The following CMC1 variants were observed in gnomAD, a reference collection of about 807,000 sequenced individuals.
The protein encoded by CMC1 is C-X9-C motif containing 1, also known as COX assembly mitochondrial protein homolog.
Under a neutral mutation model 14.1 loss-of-function variants are expected in CMC1, and 14 were observed. That is an observed-to-expected ratio of 0.99 (90% confidence interval 0.66 to 1.55). CMC1 has a LOEUF of 1.55. Among genes scored for constraint, CMC1 ranks in the 40% most tolerant of loss-of-function variants. The pLI is 0.00. For missense variants in CMC1, 127 were observed against 123.8 expected, an observed-to-expected ratio of 1.03 and a Z score of -0.12; for synonymous variants, 50 against 38.4, an observed-to-expected ratio of 1.30 and a Z score of -1.12.
chr3:28,258,614 ATTTT>A (rs61323375), intron 1 of CMC1, among the ~76,000 whole-genome samples: 1 of 99,132 alleles, frequency 1.0e-5, no homozygotes, highest in Non-Finnish European at 2.0e-5. Context: ...GTATTTCTGG[ATTTT>A]TTTTTTTTTT....
chr3:28,319,300 A>G (rs760769052), intron 3 of CMC1: 9 of 588,032 alleles, frequency 1.5e-5, no homozygotes, highest in South Asian at 4.6e-5. Context: ...TCATTGCTCT[A>G]TTCTGTGACA....
At position 28,323,354 on chromosome 3, in the gene CMC1, ATT is replaced by A. The variant is rs71626514; in HGVS notation, c.*3741_*3742del. The A allele has an allele frequency of 1.4e-4, 19 of 132,828 alleles. No homozygotes were observed. The highest frequency in any genetic ancestry group is 2.0e-4 in the African/African-American group (7 of 35,598). The allele number at this position is 132,828 out of a possible 1,614,324, so 8.2% of individuals were successfully genotyped here. Reference sequence around the variant, plus strand: ...CACCCCAGAGTTTTTCAACTATTTCATTTTTTTTTTTTTTTTTCCCAATTAGG... The same window carrying A: ...CACCCCAGAGTTTTTCAACTATTTCATTTTTTTTTTTTTTTCCCAATTAGG... On this transcript the variant is annotated 3_prime_UTR_variant, in exon 4 of 4. Coordinates refer to ENST00000466830, the MANE Select transcript of CMC1 (RefSeq NM_182523.2).
chr3:28,257,423 A>G (rs969186084), intron 1 of CMC1, among the ~76,000 whole-genome samples: 18 of 152,204 alleles, frequency 1.2e-4, no homozygotes, highest in Admixed American at 9.8e-4. Context: ...AGTGGTATAC[A>G]AATAGTATCA....
intron 2 of CMC1, among the ~76,000 whole-genome samples, chr3:28,301,839 T>C (rs560843911): frequency 6.6e-6 from 1 of 152,222 alleles, no homozygotes; most frequent in South Asian, 2.1e-4. Context: ...TAGTGTATGA[T>C]GAAACGGCAG....
chr3:28,313,307 CTT>C (rs1427910088), intron 2 of CMC1, among the ~76,000 whole-genome samples: 20 of 152,206 alleles, frequency 1.3e-4, no homozygotes, highest in African/African-American at 4.3e-4. Flanking sequence ...CTTTGAATAA[CTT>C]TTAACAATCT....
chr3:28,312,525 A>C (rs1559446247), intron 2 of CMC1, among the ~76,000 whole-genome samples: 1 of 152,242 alleles, frequency 6.6e-6, no homozygotes, highest in Admixed American at 6.5e-5. Context: ...AGTTCAATGC[A>C]CAGTTGTCAT....
chr3:28,318,395 A>G (rs1171664820), intron 3 of CMC1: 2 of 151,706 alleles, frequency 1.3e-5, no homozygotes, highest in East Asian at 1.9e-4. Context: ...GTCTTCCCTG[A>G]TAATATTTTT....
At chr3:28,243,352 A>C (rs918719398) in intron 1 of CMC1, among the ~76,000 whole-genome samples, 1 of 152,208 alleles carries the variant, frequency 6.6e-6, no homozygotes. Flanking sequence ...CACCGCACCC[A>C]GCCTAATTAT....
intron 2 of CMC1, among the ~76,000 whole-genome samples, chr3:28,273,786 A>G (rs1300507996): frequency 1.3e-5 from 2 of 152,136 alleles, no homozygotes; most frequent in Admixed American, 6.5e-5. Flanking sequence ...GGGTCCTCCT[A>G]TATTAGGTGT....
At chr3:28,305,846 T>C (rs148195828) in intron 2 of CMC1, among the ~76,000 whole-genome samples, 1 of 147,742 alleles carries the variant, frequency 6.8e-6, no homozygotes, top group East Asian at 2.0e-4. Context: ...TTCAGCGATC[T>C]TGAGTTAATT....
intron 2 of CMC1, among the ~76,000 whole-genome samples, chr3:28,284,728 T>TTGTGTGTGTGTG (rs139621171): frequency 1.3e-5 from 2 of 150,708 alleles, no homozygotes; most frequent in African/African-American, 4.9e-5. Flanking sequence ...GTTGTTAGAT[T>TTGTGTGTGTGTG]TCTGTGTGTG....
intron 2 of CMC1, among the ~76,000 whole-genome samples, chr3:28,309,509 T>C (rs1236372587): frequency 1.3e-5 from 2 of 152,104 alleles, no homozygotes; most frequent in African/African-American, 4.8e-5. Flanking sequence ...ATAACTATAT[T>C]CCAAGTCCTG....
chr3:28,242,643 C>A (rs1374530400), intron 1 of CMC1, among the ~76,000 whole-genome samples: 3 of 152,158 alleles, frequency 2.0e-5, no homozygotes, highest in Non-Finnish European at 4.4e-5. Flanking sequence ...GCTAAGTGTT[C>A]TCTATTATCC....
At chr3:28,249,404 C>T (rs1258366176) in intron 1 of CMC1, among the ~76,000 whole-genome samples, 1 of 152,140 alleles carries the variant, frequency 6.6e-6, no homozygotes. Context: ...TTTAAATATA[C>T]GTGTCATTTG....
intron 1 of CMC1, among the ~76,000 whole-genome samples, chr3:28,259,284 A>G (rs902712253): frequency 1.3e-5 from 2 of 152,060 alleles, no homozygotes; most frequent in Non-Finnish European, 2.9e-5. Flanking sequence ...ACTGCCTTCA[A>G]AAGGATAACA....
At chr3:28,311,459 T>C (rs1183780418) in intron 2 of CMC1, among the ~76,000 whole-genome samples, 1 of 152,192 alleles carries the variant, frequency 6.6e-6, no homozygotes, top group Non-Finnish European at 1.5e-5. Flanking sequence ...TTATACAGAA[T>C]AATGTGCTGT....
intron 1 of CMC1, among the ~76,000 whole-genome samples, chr3:28,243,983 G>A (rs1302376465): frequency 3.3e-5 from 5 of 152,232 alleles, no homozygotes; most frequent in African/African-American, 1.2e-4. Context: ...AAGCTAGGCA[G>A]AGTGTGCTTG....
rs2125627962 is a variant in CMC1 at position 28,322,331 on chromosome 3, C to T, written c.*2702C>T. 1 of 151,356 alleles carries T rather than the reference C, an allele frequency of 6.6e-6. No individual in the cohort carries two copies. Among genetic ancestry groups the T allele is most frequent in the African/African-American group, 2.4e-5 (1 of 41,456 alleles). The allele number at this position is 151,356 out of a possible 1,614,324, so 9.4% of individuals were successfully genotyped here. On this transcript the variant is annotated 3_prime_UTR_variant, in exon 4 of 4. Coordinates refer to ENST00000466830, the MANE Select transcript of CMC1 (RefSeq NM_182523.2). ...AGTACTAGATTTTGAGATCTATAGG[C>T]AAGGACAATATTTCACATCCACTTC...
chr3:28,259,553 T>A (rs1229374109), intron 1 of CMC1, among the ~76,000 whole-genome samples: 1 of 152,180 alleles, frequency 6.6e-6, no homozygotes, highest in Non-Finnish European at 1.5e-5. Flanking sequence ...TTAGTCGAAT[T>A]TCACCACTTT....
Sources: gnomAD v4.1 joint callset for allele counts (sites outside exome capture counted in the v4.1 genomes callset) on GRCh38, gnomAD v4.1.1 for gene constraint, MANE v1.5 for transcripts, NCBI Gene and HGNC (gene_info 2026-07-23, HGNC 2026-07-21) for gene names.